SEL1L3: variants seen among roughly 807,000 people sequenced by gnomAD.
SEL1L3 encodes SEL1L family member 3.
In SEL1L3, 76 loss-of-function variants were observed where a neutral mutation model predicts 142.8. The ratio of observed to expected loss-of-function variants is 0.53; its 90% CI spans 0.44 to 0.64. The LOEUF (loss-of-function observed/expected upper bound fraction) is 0.64. Among genes scored for constraint, SEL1L3 ranks in the 30% least tolerant of loss-of-function variants. SEL1L3 has a pLI of 0.00. For synonymous variants in SEL1L3, 504 were observed against 519.6 expected (o/e 0.97, Z 0.41); for missense variants, 1,262 against 1,381.7 (o/e 0.91, Z 1.37).
intron 1 of SEL1L3, among the ~76,000 whole-genome samples, chr4:25,852,496 C>A (rs1237836122): frequency 6.6e-6 from 1 of 152,230 alleles, no homozygotes; most frequent in Non-Finnish European, 1.5e-5. Context: ...AGATGCAAAT[C>A]ACAGTGTTAA....
chr4:25,730,856 C>T, the SEL1L3 span, among the ~76,000 whole-genome samples: 1 of 152,102 alleles, frequency 6.6e-6, no homozygotes, highest in Admixed American at 6.6e-5. Flanking sequence ...TGGCGAAACC[C>T]CATCTTGGCT....
intron 15 of SEL1L3, among the ~76,000 whole-genome samples, chr4:25,781,033 C>T (rs943141044): frequency 7.3e-5 from 11 of 151,422 alleles, no homozygotes; most frequent in Non-Finnish European, 1.2e-4. Context: ...TTTTTAGAGA[C>T]GGAGTTTTAA....
intron 1 of SEL1L3, among the ~76,000 whole-genome samples, chr4:25,859,260 G>A (rs957053871): frequency 6.6e-6 from 1 of 152,174 alleles, no homozygotes; most frequent in Non-Finnish European, 1.5e-5. Context: ...TTGCTTTCGA[G>A]GCCCTCTCCC....
At chr4:25,862,595 G>A in intron 1 of SEL1L3, 80 bp downstream of exon 1, 1 of 710,712 alleles carries the variant, frequency 1.4e-6, no homozygotes, top group Non-Finnish European at 1.9e-6. Flanking sequence ...GCCCCGCGTG[G>A]CGGGTGTCCC....
intron 6 of SEL1L3, among the ~76,000 whole-genome samples, chr4:25,825,666 ATTTTTTTTTT>A (rs33997941): frequency 2.8e-4 from 21 of 74,052 alleles, no homozygotes; most frequent in East Asian, 9.1e-4. Flanking sequence ...TCTAAATTCT[ATTTTTTTTTT>A]TTTTTTTTTT....
the SEL1L3 span, among the ~76,000 whole-genome samples, chr4:25,736,243 GA>G: frequency 8.1e-5 from 12 of 148,362 alleles, no homozygotes; most frequent in Middle Eastern, 3.6e-3. Flanking sequence ...GTGTGTGTGT[GA>G]TGGAGTTTTG....
chr4:25,777,556 C>A, intron 16 of SEL1L3: 1 of 270,452 alleles, frequency 3.7e-6, no homozygotes, highest in Non-Finnish European at 7.3e-6. Flanking sequence ...TTCAAAAAGC[C>A]ATAAAACATA....
intron 23 of SEL1L3, among the ~76,000 whole-genome samples, chr4:25,750,735 C>G (rs536715029): frequency 4.1e-4 from 62 of 152,248 alleles, no homozygotes; most frequent in African/African-American, 1.3e-3. Context: ...TGACATTTTA[C>G]TATAATTTTA....
chr4:25,802,309 C>T lies in SEL1L3; in HGVS notation c.1930G>A (p.Asp644Asn), dbSNP rs751945550. The T allele has an allele frequency of 2.5e-6, 4 of 1,613,618 alleles. No homozygotes were observed. Among genetic ancestry groups the T allele is most frequent in the Non-Finnish European group, 3.4e-6 (4 of 1,179,774 alleles). Residue 644 changes from aspartate (D) to asparagine (N), a missense_variant, in exon 11 of 24, where the codon GAC becomes AAC. Transcript: ENST00000399878. ...TGATCTCCTTGCAGTGTGTGCTGGT[C>T]AAGGGGTGTCTTGGTGGCAATGTTG... The part of the protein sequence containing the change: ...YSNIATKTPL[D>N]QHTLQGDQAY...
At chr4:25,782,129 C>A in intron 15 of SEL1L3, 113 bp downstream of exon 15, 1 of 930,080 alleles carries the variant, frequency 1.1e-6, no homozygotes, top group Non-Finnish European at 1.6e-6. Context: ...CTGAGCTCCT[C>A]GAGGACAGGG....
intron 11 of SEL1L3, among the ~76,000 whole-genome samples, chr4:25,798,405 C>G (rs1443771016): frequency 1.3e-5 from 2 of 152,218 alleles, no homozygotes; most frequent in African/African-American, 4.8e-5. Flanking sequence ...CCACACCCCA[C>G]ATCACTTTCA....
the SEL1L3 span, among the ~76,000 whole-genome samples, chr4:25,742,181 G>GTATT: frequency 9.9e-5 from 15 of 151,958 alleles, no homozygotes; most frequent in African/African-American, 1.2e-4. Flanking sequence ...TTCATTTGAA[G>GTATT]TATTTATTTA....
chr4:25,809,649 C>T (rs1202267114), intron 9 of SEL1L3, among the ~76,000 whole-genome samples: 1 of 152,110 alleles, frequency 6.6e-6, no homozygotes, highest in Non-Finnish European at 1.5e-5. Flanking sequence ...TTCCCTCCTT[C>T]CTCCATCTCT....
intron 2 of SEL1L3, among the ~76,000 whole-genome samples, chr4:25,837,381 G>A (rs866041234): frequency 3.4e-5 from 5 of 145,476 alleles, no homozygotes; most frequent in Admixed American, 2.8e-4. Flanking sequence ...TGCCCAACCT[G>A]ACTCCAATTA....
At chr4:25,845,598 T>C (rs890530960) in intron 2 of SEL1L3, among the ~76,000 whole-genome samples, 1 of 152,200 alleles carries the variant, frequency 6.6e-6, no homozygotes. Context: ...TCAGTTTTCA[T>C]TATATGCAGA....
At chr4:25,754,591 GT>G (rs1025790594) in intron 23 of SEL1L3, among the ~76,000 whole-genome samples, 5 of 151,782 alleles carry the variant, frequency 3.3e-5, no homozygotes, top group Middle Eastern at 3.2e-3. Flanking sequence ...AATGTGTGGA[GT>G]TTTTTTCTTT....
At chr4:25,796,993 G>A (rs1712807558) in intron 11 of SEL1L3, among the ~76,000 whole-genome samples, 1 of 151,148 alleles carries the variant, frequency 6.6e-6, no homozygotes, top group South Asian at 2.1e-4. Flanking sequence ...AGGAAAGAGA[G>A]AGGAAGAGAG....
chr4:25,766,307 G>A (rs980796702), intron 19 of SEL1L3, among the ~76,000 whole-genome samples: 8 of 152,132 alleles, frequency 5.3e-5, no homozygotes, highest in Non-Finnish European at 8.8e-5. Flanking sequence ...AGGAATGGTG[G>A]TGCGTTCCTG....
intron 1 of SEL1L3, among the ~76,000 whole-genome samples, chr4:25,855,870 C>T (rs1717222598): frequency 6.6e-6 from 1 of 152,182 alleles, no homozygotes; most frequent in African/African-American, 2.4e-5. Context: ...TCCCCACTGC[C>T]TTCTTCTTAT....
Sources: gnomAD v4.1 joint callset for allele counts (sites outside exome capture counted in the v4.1 genomes callset) on GRCh38, gnomAD v4.1.1 for gene constraint, MANE v1.5 for transcripts, NCBI Gene and HGNC (gene_info 2026-07-23, HGNC 2026-07-21) for gene names.